The following FAXC variants were observed in gnomAD, a reference collection of about 807,000 sequenced individuals.
FAXC encodes the protein failed axon connections homolog, metaxin like GST domain containing, also known as failed axon connections homolog.
FAXC carries 10 observed loss-of-function variants against 41.9 expected under a neutral mutation model. The observed-to-expected ratio is 0.24, with a 90% CI of 0.15 to 0.41. The LOEUF (loss-of-function observed/expected upper bound fraction) is 0.41, where lower values mean the gene tolerates loss of function less well. Ranked by LOEUF, FAXC falls within the 10% of genes least tolerant of loss-of-function variation. The probability of loss-of-function intolerance (pLI) is 1.00; values close to 1 mark genes in which losing one functional copy is unlikely to be tolerated. For missense variants in FAXC, 399 were observed against 510.9 expected (o/e 0.78, Z 2.11); for synonymous variants, 183 against 183.8 (o/e 1.00, Z 0.03).
rs1384887098 is a variant in FAXC, at chr6:99,323,634, G to A, written c.633C>T (p.Leu211=). 4.3e-6 allele frequency: 7 copies of A among 1,614,092 alleles called. No individual in the cohort carries two copies. The Admixed American group carries it at 1.0e-4, about 23-fold the overall frequency. The part of the protein sequence containing the change: ...TLAYCQWVDN[L]NETRKMLSLS... ...GAGAGAGCATCTTCCGGGTCTCATT[G>A]AGATTGTCCACCCACTGGCAATAAG... The change falls in exon 4 of 6, where the codon CTC becomes CTT. Residue 211 remains leucine, a synonymous_variant. Coordinates refer to ENST00000389677, the MANE Select transcript of FAXC (RefSeq NM_032511.4).
intron 4 of FAXC, among the ~76,000 whole-genome samples, chr6:99,312,188 A>C (rs1772179095): frequency 6.6e-6 from 1 of 152,218 alleles, no homozygotes. Flanking sequence ...CAGGCCTGGC[A>C]CAGAGTCCAG....
At chr6:99,316,892 C>G (rs1276400256) in intron 4 of FAXC, among the ~76,000 whole-genome samples, 1 of 152,196 alleles carries the variant, frequency 6.6e-6, no homozygotes, top group Admixed American at 6.5e-5. Flanking sequence ...ATTATACATG[C>G]TTAGGAAGGT....
At position 99,281,051 on chromosome 6, in the gene FAXC, A is replaced by G. The variant is rs17533164; in HGVS notation, c.*113T>C. On this transcript the variant is annotated 3_prime_UTR_variant, in exon 6 of 6. Transcript: ENST00000389677. ...CTGCTATAGTCCAGTTAGCATGTGA[A>G]AACTCTGCCAAGCACGAAGATCTCC... The G allele has an allele frequency of 9.3e-3, 6,481 of 693,366 alleles. 42 individuals are homozygous for G. Among genetic ancestry groups the G allele is most frequent in the Non-Finnish European group, 0.013 (5,066 of 378,618 alleles). 43.0% of individuals were successfully genotyped at this position (693,366 alleles called of 1,614,324 possible).
chr6:99,283,474 A>G (rs1207669571), intron 5 of FAXC, among the ~76,000 whole-genome samples: 1 of 152,248 alleles, frequency 6.6e-6, no homozygotes, highest in Non-Finnish European at 1.5e-5. Context: ...TCCCATGGAC[A>G]TGTACTGGCT....
At chr6:99,331,666 A>G (rs1773030940) in intron 3 of FAXC, among the ~76,000 whole-genome samples, 2 of 152,230 alleles carry the variant, frequency 1.3e-5, no homozygotes, top group Admixed American at 6.5e-5. Context: ...TCAGACAGCT[A>G]ACAAAGCAAC....
intron 4 of FAXC, among the ~76,000 whole-genome samples, chr6:99,301,090 A>G (rs1273871278): frequency 6.6e-6 from 1 of 152,252 alleles, no homozygotes; most frequent in Admixed American, 6.5e-5. Flanking sequence ...AAAAACTGGT[A>G]AAAATCTTTA....
At chr6:99,289,428 A>AT (rs1771146997) in intron 5 of FAXC, among the ~76,000 whole-genome samples, 1 of 152,106 alleles carries the variant, frequency 6.6e-6, no homozygotes, top group South Asian at 2.1e-4. Context: ...AGGTAGGAGG[A>AT]TCACTTGAGG....
intron 4 of FAXC, among the ~76,000 whole-genome samples, chr6:99,297,212 T>A (rs889974665): frequency 8.5e-5 from 13 of 152,126 alleles, no homozygotes; most frequent in Non-Finnish European, 1.9e-4. Context: ...CACAGAGGGT[T>A]GACCAGGAGA....
chr6:99,285,851 T>A (rs1771010656), intron 5 of FAXC, among the ~76,000 whole-genome samples: 1 of 152,232 alleles, frequency 6.6e-6, no homozygotes, highest in Admixed American at 6.5e-5. Context: ...ATGTATTTTA[T>A]ATTCCTGTAT....
At chr6:99,318,266 C>A (rs867350883) in intron 4 of FAXC, among the ~76,000 whole-genome samples, 137 of 100,678 alleles carry the variant, frequency 1.4e-3, no homozygotes, top group African/African-American at 6.7e-3. Flanking sequence ...CTCAAACACA[C>A]ACACACACAC....
At position 99,277,929 on chromosome 6, in the gene FAXC, C is replaced by A. The variant is rs759854253; in HGVS notation, c.*3235G>T. 1 of 152,220 alleles carries A rather than the reference C, an allele frequency of 6.6e-6. No individual in the cohort carries two copies. The highest frequency in any genetic ancestry group is 1.5e-5 in the Non-Finnish European group (1 of 68,052). The allele number at this position is 152,220 out of a possible 1,614,324, so 9.4% of individuals were successfully genotyped here. A position where few individuals can be genotyped will look rare whatever the true frequency, so the allele number is the denominator to read the frequency against. ...TTAGCACAGCTATACATTTCTATGA[C>A]TCTACATTATCTCTCAAACAAATCT... On this transcript the variant is annotated 3_prime_UTR_variant, in exon 6 of 6. Transcript: ENST00000389677.
chr6:99,328,257 T>C (rs550701107), intron 3 of FAXC, among the ~76,000 whole-genome samples: 16 of 152,258 alleles, frequency 1.1e-4, no homozygotes, highest in African/African-American at 2.6e-4. Context: ...CCCCAGTGTG[T>C]TGGTATGTGG....
intron 2 of FAXC, 71 bp downstream of exon 2, chr6:99,342,826 TC>T (rs1185162231): frequency 2.1e-6 from 3 of 1,441,468 alleles, no homozygotes; most frequent in East Asian, 2.3e-5. Context: ...GACGAAATAT[TC>T]CCCCCTTTAG....
intron 5 of FAXC, among the ~76,000 whole-genome samples, chr6:99,290,144 C>T (rs1012095157): frequency 4.8e-5 from 7 of 145,414 alleles, no homozygotes; most frequent in African/African-American, 1.8e-4. Context: ...CACATACACA[C>T]ACCCCAAGAT....
At position 99,343,566 on chromosome 6, in the gene FAXC, C is replaced by T. The variant is rs1014424047; in HGVS notation, c.267-533G>A. 2.6e-5 allele frequency among the ~76,000 whole-genome samples: 4 copies of T among 152,142 alleles called. No individual in the cohort carries two copies. The East Asian group carries it at 7.7e-4, about 29-fold the overall frequency. On this transcript the variant is annotated intron_variant, in intron 1 of 5. Coordinates refer to ENST00000389677, the MANE Select transcript of FAXC (RefSeq NM_032511.4). ...TTAAGGCACAGAGGATTAACTTGCCCAAAGTCACATTGCTAGTTATGGCAG... is the reference window on the plus strand; with the variant it reads ...TTAAGGCACAGAGGATTAACTTGCCTAAAGTCACATTGCTAGTTATGGCAG...
At position 99,271,760 on chromosome 6, in the gene FAXC, G is replaced by T; in HGVS notation, c.*9404C>A. 6.6e-6 allele frequency: 1 copy of T among 152,304 alleles called. No individual in the cohort carries two copies. Among genetic ancestry groups the T allele is most frequent in the Middle Eastern group, 3.4e-3 (1 of 294 alleles). The allele number at this position is 152,304 out of a possible 1,614,324, so 9.4% of individuals were successfully genotyped here. ...TTAATAGATATTCCCATGTTGGGAA[G>T]GGAGGGTTAGAATTTTGAATGTTAC... is the stretch of plus-strand genomic sequence containing the variant. On this transcript the variant is annotated 3_prime_UTR_variant, in exon 6 of 6. Transcript: ENST00000389677.
At chr6:99,313,843 C>A (rs976705351) in intron 4 of FAXC, among the ~76,000 whole-genome samples, 3 of 152,196 alleles carry the variant, frequency 2.0e-5, no homozygotes, top group Non-Finnish European at 2.9e-5. Context: ...CTGCCTTTAT[C>A]ATATACTGCA....
At position 99,272,219 on chromosome 6, in the gene FAXC, C is replaced by G. The variant is rs1770434989; in HGVS notation, c.*8945G>C. The G allele has an allele frequency of 6.7e-6, 1 of 149,640 alleles. No homozygotes were observed. The highest frequency in any genetic ancestry group is 2.5e-5 in the African/African-American group (1 of 40,290). The allele number at this position is 149,640 out of a possible 1,614,324, so 9.3% of individuals were successfully genotyped here. ...GAGATGGAGTTTTGCTCTTGTTGCCCAGGCTGGAGTCAATGGCACAAAGTC... is the reference window on the plus strand; with the variant it reads ...GAGATGGAGTTTTGCTCTTGTTGCCGAGGCTGGAGTCAATGGCACAAAGTC... On this transcript the variant is annotated 3_prime_UTR_variant, in exon 6 of 6. Transcript: ENST00000389677.
rs116698307 is a variant in FAXC at position 99,307,963 on chromosome 6, A to G, written c.823+15481T>C. On this transcript the variant is annotated intron_variant, in intron 4 of 5. Transcript: ENST00000389677. ...AAAAACCTCAACATTCACTGGAAAA[A>G]TGGATAAAGGATTGGGACAAATCAA... is the stretch of plus-strand genomic sequence containing the variant. Among the ~76,000 whole-genome samples, 440 of 152,350 alleles carry G rather than the reference A, an allele frequency of 2.9e-3. 1 individual carries two copies. Among genetic ancestry groups the G allele is most frequent in the African/African-American group, 0.01 (424 of 41,584 alleles).
Sources: allele counts gnomAD v4.1 joint callset (sites outside exome capture counted in the v4.1 genomes callset), GRCh38; gene constraint gnomAD v4.1.1; transcripts MANE v1.5; gene names NCBI Gene and HGNC (gene_info 2026-07-23, HGNC 2026-07-21).